Variants in COTL1 observed in about 807,000 individuals in gnomAD.
COTL1 encodes the protein coactosin-like protein.
A neutral mutation model predicts 16.5 loss-of-function variants in COTL1; 15 were observed. The observed-to-expected ratio is 0.91, with a 90% CI of 0.61 to 1.40. COTL1 has a LOEUF of 1.40. Ranked by LOEUF, COTL1 falls within the 40% of genes most tolerant of loss-of-function variation. The pLI is 0.00. For synonymous variants in COTL1, 112 were observed against 85.3 expected (o/e 1.31, Z -1.73); for missense variants, 220 against 201.5 (o/e 1.09, Z -0.56).
chr16:84,617,386 C>A, intron 2 of COTL1, 115 bp downstream of exon 2: 3 of 924,752 alleles, frequency 3.2e-6, no homozygotes, highest in Non-Finnish European at 5.1e-6. Context: ...ACGCCATGCG[C>A]CAGGGGCACC....
intron 3 of COTL1, among the ~76,000 whole-genome samples, chr16:84,579,276 C>G (rs936315852): frequency 2.6e-4 from 39 of 152,232 alleles, no homozygotes; most frequent in African/African-American, 8.2e-4. Flanking sequence ...GCAGGTGGAT[C>G]ACCTGAGGTC....
At chr16:84,600,895 C>A (rs944621312) in intron 2 of COTL1, among the ~76,000 whole-genome samples, 4 of 152,180 alleles carry the variant, frequency 2.6e-5, no homozygotes, top group African/African-American at 9.7e-5. Context: ...CCAAATTAAA[C>A]CGAGAGCTAA....
intron 2 of COTL1, among the ~76,000 whole-genome samples, chr16:84,609,656 T>C (rs989074777): frequency 6.6e-6 from 1 of 152,144 alleles, no homozygotes; most frequent in Non-Finnish European, 1.5e-5. Flanking sequence ...TCACCTTGAA[T>C]TGTAATAAGT....
intron 2 of COTL1, among the ~76,000 whole-genome samples, chr16:84,594,059 G>A (rs1039299413): frequency 2.0e-5 from 3 of 149,332 alleles, no homozygotes; most frequent in Admixed American, 6.7e-5. Flanking sequence ...TTCACTCAGC[G>A]TCACATCTCC....
At chr16:84,570,954 C>CTTT (rs59583914) in intron 3 of COTL1, among the ~76,000 whole-genome samples, 3 of 147,668 alleles carry the variant, frequency 2.0e-5, no homozygotes, top group East Asian at 2.0e-4. Context: ...CTCATTCCTG[C>CTTT]TTTTTTTTTT....
chr16:84,580,600 C>A (rs544657079), intron 3 of COTL1, among the ~76,000 whole-genome samples: 2 of 152,282 alleles, frequency 1.3e-5, no homozygotes, highest in South Asian at 4.1e-4. Flanking sequence ...TCACTGCCCT[C>A]CCATTATAAA....
chr16:84,575,797 C>G (rs1457680695), intron 3 of COTL1: 1 of 152,290 alleles, frequency 6.6e-6, no homozygotes, highest in Non-Finnish European at 1.5e-5. Flanking sequence ...CTCAACCTCC[C>G]TGAGCCTGAG....
intron 2 of COTL1, among the ~76,000 whole-genome samples, chr16:84,592,016 G>A (rs990207577): frequency 2.0e-5 from 3 of 152,142 alleles, no homozygotes; most frequent in African/African-American, 7.2e-5. Context: ...ATTCTCTCTG[G>A]TAGGAACCAT....
intron 3 of COTL1, among the ~76,000 whole-genome samples, chr16:84,587,243 C>T (rs986928628): frequency 3.3e-5 from 5 of 152,206 alleles, no homozygotes; most frequent in Non-Finnish European, 5.9e-5. Context: ...CAACCAGGAA[C>T]GCTGACTACA....
intron 3 of COTL1, among the ~76,000 whole-genome samples, chr16:84,578,732 C>A (rs949580276): frequency 6.6e-6 from 1 of 151,952 alleles, no homozygotes; most frequent in Non-Finnish European, 1.5e-5. Flanking sequence ...CATGCACACA[C>A]CCTCTCACAC....
At chr16:84,591,842 TAA>T (rs61337836) in intron 2 of COTL1, among the ~76,000 whole-genome samples, 30,867 of 146,938 alleles carry the variant, frequency 0.21, 3,710 homozygotes, top group African/African-American at 0.32. Context: ...TAAAATAAAA[TAA>T]AATAAAATAA....
intron 3 of COTL1, among the ~76,000 whole-genome samples, chr16:84,578,456 T>G (rs1183507173): frequency 6.6e-6 from 1 of 152,214 alleles, no homozygotes; most frequent in Non-Finnish European, 1.5e-5. Context: ...TTTTCACAAT[T>G]CCATGAGATA....
At chr16:84,592,598 T>TTA (rs372942847) in intron 2 of COTL1, among the ~76,000 whole-genome samples, 1 of 143,524 alleles carries the variant, frequency 7.0e-6, no homozygotes, top group Non-Finnish European at 1.5e-5. Context: ...CACACTGAGT[T>TTA]AAAAAAAAAA....
intron 3 of COTL1, among the ~76,000 whole-genome samples, chr16:84,581,449 G>A (rs977625635): frequency 1.3e-5 from 2 of 152,144 alleles, no homozygotes; most frequent in Non-Finnish European, 2.9e-5. Context: ...ATCCCATGGA[G>A]GGTTGTAGGT....
At chr16:84,605,132 C>CG (rs376852752) in intron 2 of COTL1, among the ~76,000 whole-genome samples, 4,063 of 142,984 alleles carry the variant, frequency 0.028, 180 homozygotes, top group African/African-American at 0.12. Context: ...CTTCCCACGG[C>CG]CCCCCATGGC....
At chr16:84,573,612 T>G (rs1904381613) in intron 3 of COTL1, among the ~76,000 whole-genome samples, 1 of 151,916 alleles carries the variant, frequency 6.6e-6, no homozygotes, top group Admixed American at 6.6e-5. Context: ...CCATCTCTAC[T>G]AAAAATACAA....
intron 3 of COTL1, chr16:84,576,186 T>A (rs1904449596): frequency 6.6e-6 from 1 of 152,238 alleles, no homozygotes; most frequent in South Asian, 2.1e-4. Context: ...GGCCCAGGGT[T>A]AGCTTCAGGG....
In COTL1 at chr16:84,607,237, C is replaced by T. The variant is rs551026190; in HGVS notation, c.160+10264G>A. On this transcript the variant is annotated intron_variant, in intron 2 of 3. Coordinates refer to ENST00000262428, the MANE Select transcript of COTL1 (RefSeq NM_021149.5). ...GAGCAGAGGGAACATTCACACCGGG[C>T]CTTGACGGGTGTGTAGGAGTCCTCC... is the stretch of plus-strand genomic sequence containing the variant. 9.9e-5 allele frequency among the ~76,000 whole-genome samples: 15 copies of T among 152,262 alleles called. No homozygotes were observed. The South Asian group carries it at 3.1e-3, about 32-fold the overall frequency.
At chr16:84,593,342 G>A (rs1403951598) in intron 2 of COTL1, among the ~76,000 whole-genome samples, 1 of 152,252 alleles carries the variant, frequency 6.6e-6, no homozygotes, top group Non-Finnish European at 1.5e-5. Context: ...GTGAGAAGGT[G>A]AGGACAGAGG....
Sources: allele counts gnomAD v4.1 joint callset (sites outside exome capture counted in the v4.1 genomes callset), GRCh38; gene constraint gnomAD v4.1.1; transcripts MANE v1.5; gene names NCBI Gene and HGNC (gene_info 2026-07-23, HGNC 2026-07-21).